Variants in TACR3 observed in about 807,000 individuals in gnomAD.
TACR3 encodes tachykinin receptor 3, also known as neuromedin-K receptor.
Under a neutral mutation model 35.0 loss-of-function variants are expected in TACR3, and 34 were observed. That is an observed-to-expected ratio of 0.97 (90% CI 0.74 to 1.30). The LOEUF is 1.30. Ranked by LOEUF, TACR3 falls within the 50% of genes most tolerant of loss-of-function variation. TACR3 has a pLI of 0.00. For missense variants in TACR3, 558 were observed against 591.7 expected, an observed-to-expected ratio of 0.94 and a Z score of 0.59; for synonymous variants, 233 against 221.1, an observed-to-expected ratio of 1.05 and a Z score of -0.48.
chr4:103,635,202 A>G (rs1193846726), intron 3 of TACR3, among the ~76,000 whole-genome samples: 1 of 152,050 alleles, frequency 6.6e-6, no homozygotes, highest in Non-Finnish European at 1.5e-5. Flanking sequence ...CTCAGTATCA[A>G]TGATTTATCT....
intron 1 of TACR3, among the ~76,000 whole-genome samples, chr4:103,689,530 TAAC>T (rs150003475): frequency 0.15 from 22,955 of 151,632 alleles, 2,238 homozygotes; most frequent in East Asian, 0.43. Flanking sequence ...CTGAAAAGTA[TAAC>T]AACAACAACA....
chr4:103,666,548 A>G (rs1303054575), intron 1 of TACR3, among the ~76,000 whole-genome samples: 2 of 152,190 alleles, frequency 1.3e-5, no homozygotes, highest in Non-Finnish European at 2.9e-5. Flanking sequence ...ATGCTTAGGT[A>G]CCATACACTC....
chr4:103,596,919 A>T (rs1489094814), intron 3 of TACR3, among the ~76,000 whole-genome samples: 1 of 151,870 alleles, frequency 6.6e-6, no homozygotes, highest in Non-Finnish European at 1.5e-5. Flanking sequence ...TGTCCCTACA[A>T]AGGACACGAA....
intron 3 of TACR3, among the ~76,000 whole-genome samples, chr4:103,600,957 C>T (rs1008815169): frequency 6.6e-6 from 1 of 152,094 alleles, no homozygotes; most frequent in African/African-American, 2.4e-5. Context: ...GTGGAGATTT[C>T]TGTAGGTGTC....
chr4:103,714,329 T>G (rs1486837442), intron 1 of TACR3, among the ~76,000 whole-genome samples: 1 of 152,160 alleles, frequency 6.6e-6, no homozygotes, highest in East Asian at 1.9e-4. Flanking sequence ...GATAATCTTA[T>G]TACCCATTCA....
Position 103,591,660 on chromosome 4 carries a change from A to G in TACR3, c.912T>C (p.Val304=). 1 of 1,613,300 alleles carries G rather than the reference A, an allele frequency of 6.2e-7. No homozygotes were observed. The highest frequency in any genetic ancestry group is 1.1e-5 in the South Asian group (1 of 91,060). ...GCCAGCAGATAGCAAATGTCATGAC[A>G]ACAATAATCATCATTTTGACAACCT... ...KRKVVKMMII[V]VMTFAICWLP... is the part of the protein sequence containing the mutation. Residue 304 remains valine, a synonymous_variant, in exon 4 of 5, where the codon GTT becomes GTC. Transcript: ENST00000304883.
intron 3 of TACR3, among the ~76,000 whole-genome samples, chr4:103,615,398 TGAGAGAGAGAGAGAGA>T (rs111766715): frequency 8.5e-6 from 1 of 117,138 alleles, no homozygotes; most frequent in South Asian, 2.9e-4. Context: ...TGTGTGTGTG[TGAGAGAGAGAGAGAGA>T]GAGAGAGAGA....
intron 1 of TACR3, among the ~76,000 whole-genome samples, chr4:103,705,011 T>C (rs1722752313): frequency 6.6e-6 from 1 of 152,188 alleles, no homozygotes; most frequent in African/African-American, 2.4e-5. Flanking sequence ...TATAATTTGT[T>C]AGATCATTTT....
chr4:103,614,236 CT>C (rs1390822880), intron 3 of TACR3, among the ~76,000 whole-genome samples: 1 of 152,090 alleles, frequency 6.6e-6, no homozygotes, highest in Non-Finnish European at 1.5e-5. Context: ...GACATTTAGT[CT>C]TTTTCTTTCT....
chr4:103,618,591 T>C (rs71597163), intron 3 of TACR3, among the ~76,000 whole-genome samples: 17,171 of 96,414 alleles, frequency 0.18, 1,562 homozygotes, highest in Middle Eastern at 0.25. Flanking sequence ...TTTTTTTTTT[T>C]GTTCCATATG....
At chr4:103,712,769 A>C (rs1481197501) in intron 1 of TACR3, among the ~76,000 whole-genome samples, 3 of 152,162 alleles carry the variant, frequency 2.0e-5, no homozygotes, top group Non-Finnish European at 4.4e-5. Flanking sequence ...AACTCAAACA[A>C]ATTTACAAGA....
intron 3 of TACR3, among the ~76,000 whole-genome samples, chr4:103,597,127 A>T (rs9684434): frequency 0.62 from 87,017 of 141,076 alleles, 27,373 homozygotes; most frequent in Non-Finnish European, 0.64. Flanking sequence ...AGTAATGGGA[A>T]GGCTGGGTCA....
intron 3 of TACR3, among the ~76,000 whole-genome samples, chr4:103,631,666 A>G (rs983778775): frequency 1.3e-5 from 2 of 152,180 alleles, no homozygotes; most frequent in Non-Finnish European, 2.9e-5. Flanking sequence ...TAGGAAGCCT[A>G]AAGTCCACAA....
intron 1 of TACR3, among the ~76,000 whole-genome samples, chr4:103,661,336 A>C (rs979616984): frequency 6.6e-6 from 1 of 152,136 alleles, no homozygotes; most frequent in African/African-American, 2.4e-5. Flanking sequence ...GCTCATGTTG[A>C]TTATAACTCA....
In TACR3 at chr4:103,625,590, G is replaced by C. The variant is rs183503285; in HGVS notation, c.888+30604C>G. On this transcript the variant is annotated intron_variant, in intron 3 of 4. Coordinates refer to ENST00000304883, the MANE Select transcript of TACR3 (RefSeq NM_001059.3). ...ATGATATGGGAGTAGGGGGTGGGGG[G>C]TTGTAATTCTACCTTTATTTAGTAG... Among the ~76,000 whole-genome samples, 210 of 149,848 alleles carry C rather than the reference G, an allele frequency of 1.4e-3. 1 individual carries two copies. Among genetic ancestry groups the C allele is most frequent in the African/African-American group, 4.9e-3 (199 of 40,936 alleles).
At chr4:103,639,096 A>C (rs1472174507) in intron 3 of TACR3, among the ~76,000 whole-genome samples, 1 of 152,104 alleles carries the variant, frequency 6.6e-6, no homozygotes, top group Non-Finnish European at 1.5e-5. Flanking sequence ...CTGGGTATAT[A>C]CCCAAAGGAT....
intron 1 of TACR3, among the ~76,000 whole-genome samples, chr4:103,712,303 C>A (rs1722984948): frequency 6.6e-6 from 1 of 152,072 alleles, no homozygotes; most frequent in Admixed American, 6.5e-5. Flanking sequence ...AGAACAGAGC[C>A]CTCAGAAATA....
At chr4:103,674,243 C>T (rs1410792039) in intron 1 of TACR3, among the ~76,000 whole-genome samples, 1 of 151,306 alleles carries the variant, frequency 6.6e-6, no homozygotes, top group Non-Finnish European at 1.5e-5. Flanking sequence ...TACACAGTTT[C>T]TATGAGAAAA....
intron 1 of TACR3, among the ~76,000 whole-genome samples, chr4:103,710,834 C>A (rs187723158): frequency 3.4e-4 from 52 of 152,220 alleles, no homozygotes; most frequent in Non-Finnish European, 7.1e-4. Context: ...CACGGAAATA[C>A]GAACTACCAT....
Sources: allele counts gnomAD v4.1 joint callset (sites outside exome capture counted in the v4.1 genomes callset), GRCh38; gene constraint gnomAD v4.1.1; transcripts MANE v1.5; gene names NCBI Gene and HGNC (gene_info 2026-07-23, HGNC 2026-07-21).